Variants in AFG2A observed in about 807,000 individuals in gnomAD.
AFG2A encodes AAA ATPase AFG2A.
At chr4:123,123,806 G>A in the AFG2A span, among the ~76,000 whole-genome samples, 5,447 of 151,358 alleles carry the variant, frequency 0.036, 305 homozygotes, top group African/African-American at 0.12. Flanking sequence ...ACAAAAATTA[G>A]CCGGGCATGG....
the AFG2A span, among the ~76,000 whole-genome samples, chr4:123,064,161 T>G: frequency 2.5e-3 from 387 of 152,340 alleles, no homozygotes; most frequent in Non-Finnish European, 4.3e-3. Context: ...CACCTTTGAA[T>G]AAGAATTTTT....
the AFG2A span, among the ~76,000 whole-genome samples, chr4:123,274,578 A>G: frequency 5.3e-5 from 8 of 150,694 alleles, no homozygotes; most frequent in African/African-American, 2.0e-4. Flanking sequence ...GATTAATTAT[A>G]TAAAAGAGCA....
At chr4:123,044,605 C>T in the AFG2A span, among the ~76,000 whole-genome samples, 1 of 152,148 alleles carries the variant, frequency 6.6e-6, no homozygotes, top group Non-Finnish European at 1.5e-5. Context: ...TCTGTTCAGA[C>T]ATGTTTTAAC....
chr4:122,949,978 G>A, the AFG2A span, among the ~76,000 whole-genome samples: 1 of 152,220 alleles, frequency 6.6e-6, no homozygotes, highest in Admixed American at 6.5e-5. Context: ...CTCCCCAGTA[G>A]GTTGGTCCTG....
At chr4:122,924,458 T>C in the AFG2A span, among the ~76,000 whole-genome samples, 8 of 151,432 alleles carry the variant, frequency 5.3e-5, no homozygotes, top group Non-Finnish European at 1.2e-4. Flanking sequence ...ACTTTTGGTA[T>C]TGTTGACCAT....
chr4:123,221,780 A>AT, the AFG2A span, among the ~76,000 whole-genome samples: 2 of 151,988 alleles, frequency 1.3e-5, no homozygotes, highest in Non-Finnish European at 2.9e-5. Flanking sequence ...CAAAAAAATT[A>AT]GACAGGCATA....
At chr4:123,002,737 AT>A in the AFG2A span, among the ~76,000 whole-genome samples, 512 of 151,880 alleles carry the variant, frequency 3.4e-3, 2 homozygotes, top group Middle Eastern at 0.014. Context: ...TGCCCTTAAC[AT>A]TTTTTCCTTC....
the AFG2A span, among the ~76,000 whole-genome samples, chr4:123,162,177 A>G: frequency 6.6e-6 from 1 of 152,250 alleles, no homozygotes; most frequent in Non-Finnish European, 1.5e-5. Flanking sequence ...TGTGACCAAG[A>G]TATGGAATGA....
chr4:123,058,393 G>C, the AFG2A span, among the ~76,000 whole-genome samples: 1 of 152,340 alleles, frequency 6.6e-6, no homozygotes, highest in East Asian at 1.9e-4. Context: ...GGCAGGCCGA[G>C]GTGGGCGAAT....
the AFG2A span, among the ~76,000 whole-genome samples, chr4:122,928,593 C>T: frequency 6.6e-6 from 1 of 152,192 alleles, no homozygotes; most frequent in Non-Finnish European, 1.5e-5. Context: ...ACATTTAAAT[C>T]TGATAAGACC....
At chr4:122,947,309 C>T in the AFG2A span, 4 of 1,613,788 alleles carry the variant, frequency 2.5e-6, no homozygotes, top group Admixed American at 1.7e-5. Flanking sequence ...CTCCGAAGAC[C>T]TGGGCGATTT....
At chr4:122,962,870 G>A in the AFG2A span, among the ~76,000 whole-genome samples, 1 of 152,056 alleles carries the variant, frequency 6.6e-6, no homozygotes, top group Non-Finnish European at 1.5e-5. Flanking sequence ...ATCAGCTCTT[G>A]TCTGGACTAT....
At chr4:123,210,481 T>A in the AFG2A span, among the ~76,000 whole-genome samples, 1 of 152,202 alleles carries the variant, frequency 6.6e-6, no homozygotes, top group Non-Finnish European at 1.5e-5. Context: ...TTATGTGATG[T>A]CCTCCAGGGT....
the AFG2A span, among the ~76,000 whole-genome samples, chr4:123,080,129 T>C: frequency 1.3e-5 from 2 of 152,198 alleles, no homozygotes; most frequent in Non-Finnish European, 2.9e-5. Flanking sequence ...AATTCATATA[T>C]TGAAGCCCTA....
At chr4:123,200,960 G>T in the AFG2A span, among the ~76,000 whole-genome samples, 1,658 of 152,290 alleles carry the variant, frequency 0.011, 42 homozygotes, top group African/African-American at 0.038. Context: ...TAGAGAGCCA[G>T]GTTCCCTGAG....
the AFG2A span, among the ~76,000 whole-genome samples, chr4:123,156,396 A>C: frequency 1.4e-4 from 21 of 152,210 alleles, no homozygotes; most frequent in Non-Finnish European, 3.1e-4. Context: ...GTAGCTTTTC[A>C]ATTAATGTCA....
At chr4:123,150,216 A>G in the AFG2A span, among the ~76,000 whole-genome samples, 3 of 152,222 alleles carry the variant, frequency 2.0e-5, no homozygotes, top group Non-Finnish European at 4.4e-5. Context: ...AACTGGCACA[A>G]GACAAGGATG....
At chr4:122,975,856 A>C in the AFG2A span, among the ~76,000 whole-genome samples, 2 of 152,258 alleles carry the variant, frequency 1.3e-5, no homozygotes, top group East Asian at 3.9e-4. Flanking sequence ...TGGAAGGCAG[A>C]TAAAGCAAGT....
At chr4:123,197,926 C>T in the AFG2A span, among the ~76,000 whole-genome samples, 9 of 151,892 alleles carry the variant, frequency 5.9e-5, no homozygotes, top group Non-Finnish European at 8.8e-5. Flanking sequence ...ATTTAAATAA[C>T]GTTAATAGAA....
Sources: gnomAD v4.1 joint callset for allele counts (sites outside exome capture counted in the v4.1 genomes callset) on GRCh38, gnomAD v4.1.1 for gene constraint, MANE v1.5 for transcripts, NCBI Gene and HGNC (gene_info 2026-07-23, HGNC 2026-07-21) for gene names.